The following SPAM1 variants were observed in gnomAD, a reference collection of about 807,000 sequenced individuals.
SPAM1 encodes the protein hyaluronidase PH-20.
Under a neutral mutation model 29.6 loss-of-function variants are expected in SPAM1, and 22 were observed. That is an observed-to-expected ratio of 0.74 (90% confidence interval 0.53 to 1.06). The LOEUF (loss-of-function observed/expected upper bound fraction) is 1.06, where lower values mean the gene tolerates loss of function less well. Ranked by LOEUF, SPAM1 falls within the 50% of genes least tolerant of loss-of-function variation. The pLI, the probability that SPAM1 is intolerant of heterozygous loss-of-function variation, is 0.00. For missense variants in SPAM1, 534 were observed against 604.0 expected, an observed-to-expected ratio of 0.88 and a Z score of 1.21; for synonymous variants, 194 against 204.6, an observed-to-expected ratio of 0.95 and a Z score of 0.44.
chr7:123,963,981 C>G (rs994413835), downstream of SPAM1, among the ~76,000 whole-genome samples: 1 of 151,664 alleles, frequency 6.6e-6, no homozygotes, highest in Non-Finnish European at 1.5e-5. Context: ...CAAAATTTTT[C>G]CTCTATTAAA....
intron 1 of SPAM1, among the ~76,000 whole-genome samples, chr7:123,930,798 T>C (rs1018550710): frequency 2.6e-5 from 4 of 152,176 alleles, no homozygotes; most frequent in Non-Finnish European, 4.4e-5. Context: ...TGCTCCCATT[T>C]GTAAAAAGCA....
chr7:123,929,895 A>ATTTTTTTTTTTTT lies in SPAM1; in HGVS notation c.-319+4551_-319+4563dup, dbSNP rs71163712. 3.8e-3 allele frequency among the ~76,000 whole-genome samples: 457 copies of ATTTTTTTTTTTTT among 119,752 alleles called. 11 individuals are homozygous for ATTTTTTTTTTTTT. Among genetic ancestry groups the ATTTTTTTTTTTTT allele is most frequent in the Middle Eastern group, 4.6e-3 (1 of 218 alleles). 78.6% of individuals were successfully genotyped at this position (119,752 alleles called of 152,430 possible). On this transcript the variant is annotated intron_variant, in intron 1 of 4. Transcript: ENST00000682466. The stretch of plus-strand genomic sequence containing the variant: ...AAAGAAGGAAGCTGGGTGTTTAGGG[A>ATTTTTTTTTTTTT]TTTTTTTTTTTTTTTTTTTTGAGGA...
intron 5 of SPAM1, chr7:123,970,051 C>T (rs1792477665): frequency 3.1e-6 from 2 of 647,734 alleles, no homozygotes; most frequent in Middle Eastern, 4.3e-4. Flanking sequence ...TCCTTAAGTC[C>T]TTTAGTCCGG....
At chr7:123,940,995 AC>A (rs1808410525) in intron 1 of SPAM1, among the ~76,000 whole-genome samples, 1 of 152,184 alleles carries the variant, frequency 6.6e-6, no homozygotes, top group Non-Finnish European at 1.5e-5. Flanking sequence ...TCCTAATTAC[AC>A]CATTACAATA....
At chr7:123,929,895 A>ATTTTTTTTTTTTTTTTTTT (rs71163712) in intron 1 of SPAM1, among the ~76,000 whole-genome samples, 1 of 119,810 alleles carries the variant, frequency 8.3e-6, no homozygotes, top group Non-Finnish European at 1.7e-5. Flanking sequence ...GTGTTTAGGG[A>ATTTTTTTTTTTTTTTTTTT]TTTTTTTTTT....
In SPAM1 at chr7:123,954,308, T is replaced by G. The variant is rs1320106755; in HGVS notation, c.738T>G (p.Asn246Lys). Residue 246 changes from asparagine (N) to lysine (K), a missense_variant, in exon 3 of 5, where the codon AAT becomes AAG. Transcript: ENST00000682466. ...GCTTCAATGTAGAAATAAAAAGAAA[T>G]GATGATCTCAGCTGGTTGTGGAATG... ...GSCFNVEIKR[N>K]DDLSWLWNES... The G allele has an allele frequency of 1.2e-5, 20 of 1,612,634 alleles. No homozygotes were observed. Among genetic ancestry groups the G allele is most frequent in the Non-Finnish European group, 1.7e-5 (20 of 1,179,438 alleles).
At chr7:123,955,496 GCTGAGTTGAAGCTGAATTTTTTCTTCT>G (rs1792228772) in intron 4 of SPAM1, among the ~76,000 whole-genome samples, 1 of 151,918 alleles carries the variant, frequency 6.6e-6, no homozygotes. Flanking sequence ...TATGGACATT[GCTGAGTTGAAGCTGAATTTTTTCTTCT>G]CTGGTGGTTG....
rs777582839 is a variant in SPAM1, at chr7:123,959,944, T to A, written c.1505T>A (p.Ile502Asn). 1 of 1,610,090 alleles carries A rather than the reference T, an allele frequency of 6.2e-7. No homozygotes were observed. The highest frequency in any genetic ancestry group is 8.5e-7 in the Non-Finnish European group (1 of 1,178,612). Residue 502 changes from isoleucine to asparagine, a missense_variant, in exon 5 of 5, where the codon ATC becomes AAC. Ile to Asn is a moderately radical substitution (Grantham distance 149, BLOSUM62 -3). Coordinates refer to ENST00000682466, the MANE Select transcript of SPAM1 (RefSeq NM_153189.3). ...TTCATTGTTAGTATTTTGTTTCTTA[T>A]CATTTCTTCTGTAGCGAGTTTGTAA... ...TMFIVSILFL[I>N]ISSVASL
intron 4 of SPAM1, among the ~76,000 whole-genome samples, chr7:123,956,960 A>G (rs910927957): frequency 6.6e-5 from 10 of 151,992 alleles, no homozygotes; most frequent in Admixed American, 5.9e-4. Flanking sequence ...ATGTATTTCC[A>G]TAGACTACAA....
intron 2 of SPAM1, among the ~76,000 whole-genome samples, chr7:123,950,357 A>G (rs1808719714): frequency 6.6e-6 from 1 of 152,092 alleles, no homozygotes; most frequent in African/African-American, 2.4e-5. Context: ...TAGTGTACCC[A>G]TCACCCAGAT....
In SPAM1 at chr7:123,953,629, T is replaced by C; in HGVS notation, c.59T>C (p.Val20Ala). 6.2e-7 allele frequency: 1 copy of C among 1,610,772 alleles called. No homozygotes were observed. The highest frequency in any genetic ancestry group is 8.5e-7 in the Non-Finnish European group (1 of 1,178,916). ...FFRSFVKSSG[V>A]SQIVFTFLLI... ...AGAAGCTTTGTTAAATCAAGTGGAG[T>C]ATCCCAGATAGTTTTCACCTTCCTT... is the stretch of plus-strand genomic sequence containing the variant. Residue 20 changes from valine (V) to alanine (A), a missense_variant, in exon 3 of 5, where the codon GTA becomes GCA. Val to Ala is a moderately conservative substitution (Grantham distance 64). Coordinates refer to ENST00000682466, the MANE Select transcript of SPAM1 (RefSeq NM_153189.3).
intron 5 of SPAM1, among the ~76,000 whole-genome samples, chr7:123,968,249 G>A (rs892324883): frequency 2.0e-5 from 3 of 152,022 alleles, no homozygotes; most frequent in Non-Finnish European, 4.4e-5. Flanking sequence ...ATAATTATAC[G>A]CAAACTGAGA....
At chr7:123,940,419 T>C (rs897888765) in intron 1 of SPAM1, among the ~76,000 whole-genome samples, 1 of 152,136 alleles carries the variant, frequency 6.6e-6, no homozygotes, top group African/African-American at 2.4e-5. Context: ...AGGAATTATC[T>C]TCCAAGAATA....
chr7:123,953,956 A>T lies in SPAM1; in HGVS notation c.386A>T (p.Lys129Ile). ...SLQDHLDKAK[K>I]DITFYMPVDN... ...CAAGACCATCTGGACAAAGCTAAGA[A>T]AGACATTACATTTTATATGCCAGTA... Residue 129 changes from lysine to isoleucine, a missense_variant, in exon 3 of 5, where the codon AAA becomes ATA. Lys to Ile is a moderately radical substitution (Grantham distance 102). Transcript: ENST00000682466. The T allele has an allele frequency of 6.2e-7, 1 of 1,613,792 alleles. No individual in the cohort carries two copies. The highest frequency in any genetic ancestry group is 1.7e-5 in the Admixed American group (1 of 59,922).
chr7:123,970,355 C>A, intron 6 of SPAM1: 1 of 1,243,196 alleles, frequency 8.0e-7, no homozygotes, highest in South Asian at 1.5e-5. Context: ...GTTTCTTCCC[C>A]TTATAAGGAC....
At chr7:123,936,836 A>C (rs534066556) in intron 1 of SPAM1, among the ~76,000 whole-genome samples, 1 of 152,182 alleles carries the variant, frequency 6.6e-6, no homozygotes, top group East Asian at 1.9e-4. Flanking sequence ...TGTGATCTCT[A>C]TGGAGGCAAA....
At chr7:123,970,475 G>C (rs976654984) in intron 6 of SPAM1, among the ~76,000 whole-genome samples, 1 of 151,828 alleles carries the variant, frequency 6.6e-6, no homozygotes, top group Non-Finnish European at 1.5e-5. Flanking sequence ...AGAGTTTAAG[G>C]CTGGGTGCAG....
At chr7:123,952,477 G>T (rs1294468960) in intron 2 of SPAM1, among the ~76,000 whole-genome samples, 1 of 152,024 alleles carries the variant, frequency 6.6e-6, no homozygotes. Context: ...CTTCTTGCAG[G>T]TAATTTTTGC....
downstream of SPAM1, among the ~76,000 whole-genome samples, chr7:123,961,291 C>T (rs1272723907): frequency 6.6e-6 from 1 of 151,836 alleles, no homozygotes; most frequent in East Asian, 1.9e-4. Context: ...GTATTGTACC[C>T]ATTATCTGGC....
Sources: allele counts gnomAD v4.1 joint callset (sites outside exome capture counted in the v4.1 genomes callset), GRCh38; gene constraint gnomAD v4.1.1; transcripts MANE v1.5; gene names NCBI Gene and HGNC (gene_info 2026-07-23, HGNC 2026-07-21).